Variants in SPNS3 observed in about 807,000 individuals in gnomAD.
SPNS3 encodes the protein protein spinster homolog 3.
In SPNS3, 51 loss-of-function variants were observed where a neutral mutation model predicts 54.4. The observed-to-expected ratio is 0.94, with a 90% CI of 0.75 to 1.18. The LOEUF (loss-of-function observed/expected upper bound fraction) is 1.18. Among genes scored for constraint, SPNS3 ranks in the 50% most tolerant of loss-of-function variants. SPNS3 has a pLI of 0.00. For missense variants in SPNS3, 669 were observed against 677.4 expected (o/e 0.99, Z 0.14); for synonymous variants, 309 against 294.7 (o/e 1.05, Z -0.50).
chr17:4,488,173 C>T lies in SPNS3; in HGVS notation c.*279C>T, dbSNP rs568002404. On this transcript the variant is annotated 3_prime_UTR_variant, in exon 12 of 12. Transcript: ENST00000355530. ...CTGCTGGGCCCTGAATAAAGAGAGGCCAGTACAAAGCCCATGGATTTTGGG... is the reference window on the plus strand; with the variant it reads ...CTGCTGGGCCCTGAATAAAGAGAGGTCAGTACAAAGCCCATGGATTTTGGG... 3.5e-5 allele frequency: 17 copies of T among 490,216 alleles called. No homozygotes were observed. Among genetic ancestry groups the T allele is most frequent in the Non-Finnish European group, 6.0e-5 (16 of 268,614 alleles). The allele number at this position is 490,216 out of a possible 1,614,324, so 30.4% of individuals were successfully genotyped here. A position where few individuals can be genotyped will look rare whatever the true frequency, so the allele number is the denominator to read the frequency against.
At chr17:4,436,134 A>G (rs567992647) in intron 1 of SPNS3, among the ~76,000 whole-genome samples, 1 of 152,282 alleles carries the variant, frequency 6.6e-6, no homozygotes, top group East Asian at 1.9e-4. Context: ...AGGCTGGTTG[A>G]TGGCAGTCCT....
intron 5 of SPNS3, 95 bp downstream of exon 5, chr17:4,447,057 G>A (rs1235305895): frequency 1.2e-5 from 16 of 1,307,668 alleles, no homozygotes; most frequent in African/African-American, 9.0e-5. Context: ...CGTAGCACCC[G>A]GCGCCATTAG....
chr17:4,448,699 C>T (rs1011170638), intron 6 of SPNS3, among the ~76,000 whole-genome samples: 5 of 152,210 alleles, frequency 3.3e-5, no homozygotes, highest in South Asian at 2.1e-4. Flanking sequence ...AGCCTCATGG[C>T]GTGCATGATC....
intron 8 of SPNS3, among the ~76,000 whole-genome samples, chr17:4,462,146 C>T (rs12946364): frequency 5.6e-4 from 5 of 8,900 alleles, no homozygotes; most frequent in Admixed American, 3.4e-3. Context: ...TCCATCCATC[C>T]ATCCATCCAT....
At chr17:4,469,126 C>T (rs1234037460) in intron 8 of SPNS3, among the ~76,000 whole-genome samples, 1 of 151,640 alleles carries the variant, frequency 6.6e-6, no homozygotes, top group Non-Finnish European at 1.5e-5. Flanking sequence ...GCTCTGTCAC[C>T]CAGGCTGGAG....
Position 4,486,719 on chromosome 17 carries a change from A to G in SPNS3, c.1450+136A>G. The G allele has an allele frequency of 8.4e-6, 8 of 957,132 alleles. No homozygotes were observed. The highest frequency in any genetic ancestry group is 1.2e-5 in the Non-Finnish European group (8 of 666,848). 59.3% of individuals were successfully genotyped at this position (957,132 alleles called of 1,614,324 possible). ...GCTTAGTACACCCCTGCTATGTACC[A>G]GGGAAGGTTGCAGATGCTGGGGAGT... On this transcript the variant is annotated intron_variant, in intron 11 of 11. Transcript: ENST00000355530. The surrounding 1 kb of genome is among the most constrained non-coding windows in gnomAD (Gnocchi z 5.5).
At chr17:4,484,101 A>G (rs1231614153) in intron 9 of SPNS3, among the ~76,000 whole-genome samples, 42 of 152,188 alleles carry the variant, frequency 2.8e-4, no homozygotes, top group Admixed American at 2.7e-3. Flanking sequence ...ATCACAGCAG[A>G]GTGGTCAAAA....
chr17:4,450,886 G>A (rs546102183), intron 7 of SPNS3, among the ~76,000 whole-genome samples: 3 of 151,972 alleles, frequency 2.0e-5, no homozygotes, highest in African/African-American at 7.2e-5. Context: ...GGAATTACAG[G>A]CGTGAGCCAC....
At chr17:4,477,989 T>TTTTTTTTTTTTTTTTG (rs1972053520) in intron 8 of SPNS3, among the ~76,000 whole-genome samples, 1 of 142,962 alleles carries the variant, frequency 7.0e-6, no homozygotes, top group African/African-American at 2.6e-5. Flanking sequence ...TTTTTTTTTT[T>TTTTTTTTTTTTTTTTG]GAGGCGGAGT....
rs907441626 is a variant in SPNS3, at chr17:4,459,189, C to T, written c.1113+5984C>T. ...GTCGTCCTGGGGTCTCAGTTACGTA[C>T]GTTCTGACTCCTCTCCCAGCCCTGT... is the stretch of plus-strand genomic sequence containing the variant. On this transcript the variant is annotated intron_variant, in intron 8 of 11. Transcript: ENST00000355530. Among the ~76,000 whole-genome samples the T allele has an allele frequency of 4.6e-5, 7 of 152,064 alleles. No individual in the cohort carries two copies. In the South Asian group the frequency reaches 1.2e-3, roughly 27 times the overall value.
At chr17:4,441,367 GA>G (rs368847172) in intron 2 of SPNS3, among the ~76,000 whole-genome samples, 37 of 147,512 alleles carry the variant, frequency 2.5e-4, no homozygotes, top group Non-Finnish European at 3.2e-4. Context: ...CCACAGAAAG[GA>G]AAAAAAAAAG....
chr17:4,452,675 G>A (rs888873624), intron 7 of SPNS3, among the ~76,000 whole-genome samples: 2 of 152,048 alleles, frequency 1.3e-5, no homozygotes, highest in African/African-American at 2.4e-5. Flanking sequence ...TTTGAGTGGG[G>A]CAGTTTTGGG....
Position 4,487,889 on chromosome 17 carries a change from C to G in SPNS3, c.1534C>G (p.Pro512Ala), listed in dbSNP as rs1206751917. ...LSGAGASTEE[P>A] Reference sequence around the variant, plus strand: ...GGGCGCTGGCGCCTCTACAGAGGAGCCCTGAGGTCCCTGCCTACACTCGTC... The same window carrying G: ...GGGCGCTGGCGCCTCTACAGAGGAGGCCTGAGGTCCCTGCCTACACTCGTC... The change falls in exon 12 of 12, where the codon CCC becomes GCC. Residue 512 changes from proline to alanine, a missense_variant. Coordinates refer to ENST00000355530, the MANE Select transcript of SPNS3 (RefSeq NM_182538.5). 1 of 1,613,592 alleles carries G rather than the reference C, an allele frequency of 6.2e-7. No homozygotes were observed. The highest frequency in any genetic ancestry group is 1.7e-5 in the Admixed American group (1 of 60,020).
At chr17:4,478,402 G>A (rs958802032) in intron 8 of SPNS3, among the ~76,000 whole-genome samples, 170 bp from the exon 9 acceptor site, 39 of 152,156 alleles carry the variant, frequency 2.6e-4, no homozygotes, top group African/African-American at 8.7e-4. Flanking sequence ...TACCGTCAAG[G>A]CTGCTGGAAC....
At chr17:4,440,254 T>A (rs1474608121) in intron 2 of SPNS3, among the ~76,000 whole-genome samples, 1 of 152,142 alleles carries the variant, frequency 6.6e-6, no homozygotes, top group Non-Finnish European at 1.5e-5. Context: ...GTTGGGGTCA[T>A]GAGGCGTTAG....
rs528968486 is a variant in SPNS3, at chr17:4,453,779, A to G, written c.1113+574A>G. Among the ~76,000 whole-genome samples the G allele has an allele frequency of 8.5e-5, 13 of 152,284 alleles. No individual in the cohort carries two copies. The East Asian group carries it at 2.1e-3, about 25-fold the overall frequency. ...TAGGACTCATTTATTGCCAGGGCAT[A>G]TTGTGGGCCCAAGAAGAAATAGAGC... On this transcript the variant is annotated intron_variant, in intron 8 of 11. Coordinates refer to ENST00000355530, the MANE Select transcript of SPNS3 (RefSeq NM_182538.5).
chr17:4,465,516 T>C (rs537085972), intron 8 of SPNS3, among the ~76,000 whole-genome samples: 1 of 152,058 alleles, frequency 6.6e-6, no homozygotes, highest in Non-Finnish European at 1.5e-5. Context: ...TTACCTGAGA[T>C]GAGGAGTTCA....
intron 8 of SPNS3, among the ~76,000 whole-genome samples, chr17:4,455,385 G>A (rs1199609567): frequency 6.6e-6 from 1 of 152,242 alleles, no homozygotes; most frequent in Non-Finnish European, 1.5e-5. Context: ...ACTGAGAACA[G>A]GCCAAGTATT....
At chr17:4,441,459 G>A (rs1970845219) in intron 2 of SPNS3, among the ~76,000 whole-genome samples, 1 of 152,178 alleles carries the variant, frequency 6.6e-6, no homozygotes, top group African/African-American at 2.4e-5. Context: ...CAATCTTGTG[G>A]CCAAGAGACA....
Sources: allele counts gnomAD v4.1 joint callset (sites outside exome capture counted in the v4.1 genomes callset), GRCh38; gene constraint gnomAD v4.1.1; non-coding constraint Gnocchi (gnomAD v3.1); transcripts MANE v1.5; gene names NCBI Gene and HGNC (gene_info 2026-07-23, HGNC 2026-07-21).